SFMBT2: variants seen among roughly 807,000 people sequenced by gnomAD.
SFMBT2 encodes the protein Scm like with four mbt domains 2.
In SFMBT2, 38 loss-of-function variants were observed where a neutral mutation model predicts 110.1. The observed-to-expected ratio is 0.35, with a 90% confidence interval of 0.27 to 0.45. The LOEUF (loss-of-function observed/expected upper bound fraction) is 0.45. Ranked by LOEUF, SFMBT2 falls within the 20% of genes least tolerant of loss-of-function variation. The probability of loss-of-function intolerance (pLI) is 1.00; values close to 1 mark genes in which losing one functional copy is unlikely to be tolerated. For missense variants in SFMBT2, 1,011 were observed against 1,094.9 expected (o/e 0.92, Z 1.08); for synonymous variants, 425 against 425.4 (o/e 1.00, Z 0.01).
At chr10:7,328,956 C>T (rs1371209556) in intron 4 of SFMBT2, among the ~76,000 whole-genome samples, 1 of 152,224 alleles carries the variant, frequency 6.6e-6, no homozygotes, top group Non-Finnish European at 1.5e-5. Context: ...ATCCAAGCAG[C>T]CCATGCGGCT....
At chr10:7,329,343 C>T (rs531903809) in intron 4 of SFMBT2, among the ~76,000 whole-genome samples, 86 of 152,326 alleles carry the variant, frequency 5.6e-4, no homozygotes, top group African/African-American at 1.8e-3. Flanking sequence ...CCTTCCTGCA[C>T]GGAGGTTCTC....
intron 1 of SFMBT2, among the ~76,000 whole-genome samples, chr10:7,401,088 G>A (rs964847340): frequency 2.6e-5 from 4 of 152,088 alleles, no homozygotes; most frequent in Non-Finnish European, 5.9e-5. Context: ...AGCCGAGATC[G>A]TGCCACTGCA....
At chr10:7,309,080 G>A (rs183384760) in intron 4 of SFMBT2, among the ~76,000 whole-genome samples, 4 of 152,202 alleles carry the variant, frequency 2.6e-5, no homozygotes, top group Non-Finnish European at 5.9e-5. Context: ...GTGCATCCGC[G>A]AGGGTGTTTC....
Position 7,381,955 on chromosome 10 carries a change from A to G in SFMBT2, c.-51-6T>C, listed in dbSNP as rs1454791796. On this transcript the variant is annotated splice_region_variant and splice_polypyrimidine_tract_variant and intron_variant, in intron 1 of 20. Transcript: ENST00000397167. ...CATCCTGCAGAAAAAATTACCTAAG[A>G]GCAATCAAAAAAAAAAAAATCAGAG... 6.8e-6 allele frequency: 10 copies of G among 1,473,872 alleles called. No individual in the cohort carries two copies. The highest frequency in any genetic ancestry group is 8.2e-6 in the Non-Finnish European group (9 of 1,099,262). The allele number at this position is 1,473,872 out of a possible 1,614,324, so 91.3% of individuals were successfully genotyped here. A position where few individuals can be genotyped will look rare whatever the true frequency, so the allele number is the denominator to read the frequency against.
At chr10:7,287,486 T>A (rs895227833) in intron 4 of SFMBT2, 1 of 239,254 alleles carries the variant, frequency 4.2e-6, no homozygotes, top group Non-Finnish European at 6.8e-6. Context: ...TCTCCCAAGC[T>A]ACAGATCTTC....
chr10:7,220,920 G>A (rs1039021830), intron 10 of SFMBT2, among the ~76,000 whole-genome samples: 1 of 150,932 alleles, frequency 6.6e-6, no homozygotes, highest in Non-Finnish European at 1.5e-5. Context: ...TCCGCCTCCC[G>A]GGTTCACGCC....
At chr10:7,399,850 A>C (rs1846025515) in intron 1 of SFMBT2, among the ~76,000 whole-genome samples, 1 of 152,118 alleles carries the variant, frequency 6.6e-6, no homozygotes, top group Non-Finnish European at 1.5e-5. Context: ...GTTTCCACTC[A>C]CCTTCCTTGT....
intron 9 of SFMBT2, among the ~76,000 whole-genome samples, chr10:7,235,957 C>T (rs1400550836): frequency 6.6e-6 from 1 of 152,106 alleles, no homozygotes; most frequent in African/African-American, 2.4e-5. Context: ...CCAACAACAT[C>T]AACAGCTCCA....
intron 2 of SFMBT2, among the ~76,000 whole-genome samples, chr10:7,374,192 G>A (rs1232177960): frequency 1.3e-5 from 2 of 152,174 alleles, no homozygotes; most frequent in Non-Finnish European, 2.9e-5. Flanking sequence ...AACCCAGGAT[G>A]TGGAGGCTGC....
rs148030406 is a variant in SFMBT2, at chr10:7,302,274, T to C, written c.437-16320A>G. On this transcript the variant is annotated intron_variant, in intron 4 of 20. Coordinates refer to ENST00000397167, the MANE Select transcript of SFMBT2 (RefSeq NM_001387889.1). ...ACAAGGCACCCTCCCTCTTCTCTCA[T>C]GTAGTTGAAATATTTCAGCAACAAA... Among the ~76,000 whole-genome samples, 3 of 152,332 alleles carry C rather than the reference T, an allele frequency of 2.0e-5. No homozygotes were observed. In the East Asian group the frequency reaches 5.8e-4, roughly 29 times the overall value.
intron 13 of SFMBT2, among the ~76,000 whole-genome samples, chr10:7,201,731 A>G (rs1427950493): frequency 3.3e-5 from 5 of 152,162 alleles, no homozygotes; most frequent in Non-Finnish European, 7.3e-5. Flanking sequence ...TTATTTTTCA[A>G]TATCTACAAA....
intron 7 of SFMBT2, among the ~76,000 whole-genome samples, chr10:7,275,573 A>AC (rs1374451958): frequency 7.2e-5 from 11 of 152,292 alleles, no homozygotes; most frequent in African/African-American, 2.4e-4. Context: ...ATTGGCCACC[A>AC]CAACTGTCGG....
intron 16 of SFMBT2, among the ~76,000 whole-genome samples, chr10:7,180,767 G>C (rs1588772456): frequency 6.6e-6 from 1 of 152,194 alleles, no homozygotes; most frequent in African/African-American, 2.4e-5. Flanking sequence ...TGTGGGGACA[G>C]CTGTTGGGAG....
chr10:7,224,187 C>T (rs921863223), intron 10 of SFMBT2, among the ~76,000 whole-genome samples: 3 of 152,124 alleles, frequency 2.0e-5, no homozygotes, highest in African/African-American at 7.2e-5. Flanking sequence ...TATATTCCTA[C>T]CAAAAGTGTC....
chr10:7,279,421 C>T (rs1485013999), intron 6 of SFMBT2, among the ~76,000 whole-genome samples: 4 of 152,204 alleles, frequency 2.6e-5, no homozygotes, highest in Non-Finnish European at 5.9e-5. Flanking sequence ...CAGCCCACAG[C>T]AAGGCAGACT....
intron 1 of SFMBT2, among the ~76,000 whole-genome samples, chr10:7,388,214 G>C (rs538493784): frequency 6.6e-6 from 1 of 151,282 alleles, no homozygotes; most frequent in East Asian, 1.9e-4. Flanking sequence ...CTAATTGGGA[G>C]AAAGAGCCAA....
intron 1 of SFMBT2, among the ~76,000 whole-genome samples, chr10:7,404,433 T>C (rs1170106997): frequency 6.6e-6 from 1 of 152,248 alleles, no homozygotes; most frequent in East Asian, 1.9e-4. Context: ...GACATCTTTT[T>C]CTTGGCCAAT....
chr10:7,372,947 C>A (rs575933098), intron 2 of SFMBT2, among the ~76,000 whole-genome samples: 42 of 152,340 alleles, frequency 2.8e-4, no homozygotes, highest in African/African-American at 9.6e-4. Flanking sequence ...CCACCGCCCT[C>A]CCAGGCACAT....
At chr10:7,200,539 T>C (rs1838919649) in intron 13 of SFMBT2, 55 bp from the exon 14 acceptor site, 2 of 1,434,140 alleles carry the variant, frequency 1.4e-6, no homozygotes, top group Admixed American at 2.1e-5. Context: ...AAGGAACTAC[T>C]ACATTCCAAA....
Sources: gnomAD v4.1 joint callset for allele counts (sites outside exome capture counted in the v4.1 genomes callset) on GRCh38, gnomAD v4.1.1 for gene constraint, MANE v1.5 for transcripts, NCBI Gene and HGNC (gene_info 2026-07-23, HGNC 2026-07-21) for gene names.